NT5C2: variants seen among roughly 807,000 people sequenced by gnomAD.
NT5C2 encodes the protein 5'-nucleotidase, cytosolic II.
In NT5C2, 58 loss-of-function variants were observed where a neutral mutation model predicts 76.1. That is an observed-to-expected ratio of 0.76 (90% CI 0.62 to 0.95). The LOEUF (loss-of-function observed/expected upper bound fraction) is 0.95, where lower values mean the gene tolerates loss of function less well. NT5C2 is among the 40% of genes least tolerant of loss of function. NT5C2 has a pLI of 0.00. For synonymous variants in NT5C2, 229 were observed against 237.4 expected (o/e 0.96, Z 0.32); for missense variants, 478 against 690.3 (o/e 0.69, Z 3.45).
At chr10:103,117,511 G>A (rs2135568670) in intron 4 of NT5C2, among the ~76,000 whole-genome samples, 1 of 152,306 alleles carries the variant, frequency 6.6e-6, no homozygotes, top group Non-Finnish European at 1.5e-5. Flanking sequence ...GCCAGCCATG[G>A]TGGCATACAC....
intron 3 of NT5C2, among the ~76,000 whole-genome samples, chr10:103,149,059 G>A (rs557229147): frequency 1.6e-4 from 25 of 152,248 alleles, no homozygotes; most frequent in African/African-American, 6.0e-4. Context: ...CGTCCAGGGA[G>A]GGGGAAAATC....
rs2135078912 is a variant in NT5C2 at position 103,101,095 on chromosome 10, G to A, written c.489C>T (p.Tyr163=). The A allele has an allele frequency of 1.9e-6, 3 of 1,592,666 alleles. No homozygotes were observed. The highest frequency in any genetic ancestry group is 2.6e-6 in the Non-Finnish European group (3 of 1,160,540). ...LNTLFNLPET[Y]LLACLVDFFT... ...AAAAATCTACTAGGCAGGCCAACAG[G>A]TAGGTCTCTGAAAAATGAAGAACAG... Residue 163 remains tyrosine, a synonymous_variant, in exon 8 of 19, where the codon TAC becomes TAT. Coordinates refer to ENST00000404739, the MANE Select transcript of NT5C2 (RefSeq NM_001351169.2).
chr10:103,111,600 G>A, intron 4 of NT5C2: 1 of 475,842 alleles, frequency 2.1e-6, no homozygotes, highest in Non-Finnish European at 3.4e-6. Flanking sequence ...AAAACTTTCT[G>A]CAGAGAAGTT....
At position 103,123,132 on chromosome 10, in the gene NT5C2, T is replaced by C. The variant is rs79237111; in HGVS notation, c.175+16274A>G. Among the ~76,000 whole-genome samples the C allele has an allele frequency of 3.2e-3, 489 of 152,266 alleles. 4 individuals carry two copies. The highest frequency in any genetic ancestry group is 4.3e-3 in the Admixed American group (66 of 15,296). On this transcript the variant is annotated intron_variant, in intron 4 of 18. Coordinates refer to ENST00000404739, the MANE Select transcript of NT5C2 (RefSeq NM_001351169.2). ...TGTTGACTTAGTAGCCTTTTTTATT[T>C]TTTGACTTTTTGTTTGAGACAGGGT...
intron 4 of NT5C2, among the ~76,000 whole-genome samples, chr10:103,107,499 A>AC (rs1266099385): frequency 6.6e-6 from 1 of 151,186 alleles, no homozygotes; most frequent in East Asian, 2.0e-4. Context: ...ACATGGTGAA[A>AC]CCCCCGTCTC....
chr10:103,090,966 T>TG lies in NT5C2; in HGVS notation c.1241dup (p.Asp415ArgfsTer10), dbSNP rs762538259. On this transcript the variant is annotated frameshift_variant, in exon 17 of 19. Transcript: ENST00000404739. LOFTEE classifies it high-confidence loss of function. ...TACGTCTCTGGATGGAACTGATGTC[T>TG]GGACGCTCATTGCTACTGCTGTCAA... The TG allele has an allele frequency of 6.2e-7, 1 of 1,614,018 alleles. No individual in the cohort carries two copies. Among genetic ancestry groups the TG allele is most frequent in the Non-Finnish European group, 8.5e-7 (1 of 1,180,008 alleles).
Position 103,105,724 on chromosome 10 carries a change from C to T in NT5C2, c.371G>A (p.Gly124Glu), listed in dbSNP as rs2135254020. 1 of 1,611,846 alleles carries T rather than the reference C, an allele frequency of 6.2e-7. No individual in the cohort carries two copies. The highest frequency in any genetic ancestry group is 8.5e-7 in the Non-Finnish European group (1 of 1,178,364). The part of the protein sequence containing the change: ...AYGNLLVCAH[G>E]FNFIRGPETR... ...TACTCACCCCCTTATAAAGTTAAAT[C>T]CATGTGCACAGACCAAGAGGTTTCC... Residue 124 changes from glycine (G) to glutamate (E), a missense_variant, in exon 6 of 19, where the codon GGA becomes GAA. Coordinates refer to ENST00000404739, the MANE Select transcript of NT5C2 (RefSeq NM_001351169.2).
chr10:103,189,984 A>G (rs1004667423), intron 1 of NT5C2, among the ~76,000 whole-genome samples: 9 of 136,282 alleles, frequency 6.6e-5, no homozygotes, highest in African/African-American at 2.5e-4. Flanking sequence ...TGCCGCATTA[A>G]TTTTGTGGCT....
chr10:103,106,774 T>C, intron 4 of NT5C2, 68 bp from the exon 5 acceptor site: 1 of 955,546 alleles, frequency 1.0e-6, no homozygotes, highest in South Asian at 1.4e-5. Context: ...TGCAAATGAA[T>C]GAATTTCTGC....
At chr10:103,089,975 C>A (rs2066275037) in intron 18 of NT5C2, 67 bp from the exon 19 acceptor site, 1 of 1,318,656 alleles carries the variant, frequency 7.6e-7, no homozygotes. Flanking sequence ...CAAATCCTAA[C>A]CCCTCTCCTC....
chr10:103,120,005 G>A (rs149869444), intron 4 of NT5C2, among the ~76,000 whole-genome samples: 2 of 151,836 alleles, frequency 1.3e-5, no homozygotes, highest in Non-Finnish European at 2.9e-5. Context: ...AGGCTGAAAT[G>A]GGAGAATCAC....
At chr10:103,182,408 G>A (rs1169789798) in intron 1 of NT5C2, among the ~76,000 whole-genome samples, 7 of 151,978 alleles carry the variant, frequency 4.6e-5, no homozygotes, top group Non-Finnish European at 2.9e-5. Flanking sequence ...AAGCCGAGGC[G>A]GGTGGATCAT....
At chr10:103,192,909 G>A (rs977784856) in intron 1 of NT5C2, among the ~76,000 whole-genome samples, 6 of 152,178 alleles carry the variant, frequency 3.9e-5, no homozygotes, top group Non-Finnish European at 8.8e-5. Context: ...GCGCTGGGAG[G>A]CTGAGGCGGG....
chr10:103,190,855 C>T (rs770509470), intron 1 of NT5C2, among the ~76,000 whole-genome samples: 14 of 152,122 alleles, frequency 9.2e-5, no homozygotes, highest in African/African-American at 2.9e-4. Flanking sequence ...TGTTGACTAC[C>T]GGGGCACATT....
At position 103,177,646 on chromosome 10, in the gene NT5C2, AGAACAGCTAGAAATACAGG is replaced by A. The variant is rs551657489; in HGVS notation, c.-24-2683_-24-2665del. Among the ~76,000 whole-genome samples the A allele has an allele frequency of 4.9e-4, 75 of 152,280 alleles. No individual in the cohort carries two copies. In the South Asian group the frequency reaches 0.014, roughly 29 times the overall value. On this transcript the variant is annotated intron_variant, in intron 2 of 18. Transcript: ENST00000404739. ...AAGTGATCCTTCCACCTCAGGCTCCAGAACAGCTAGAAATACAGGTACTCACTACAAAACCCAGCTAATT... is the reference window on the plus strand; with the variant it reads ...AAGTGATCCTTCCACCTCAGGCTCCATACTCACTACAAAACCCAGCTAATT...
At chr10:103,168,173 G>T (rs1205917534) in intron 3 of NT5C2, among the ~76,000 whole-genome samples, 1 of 149,922 alleles carries the variant, frequency 6.7e-6, no homozygotes, top group Non-Finnish European at 1.5e-5. Context: ...ATTTTAAAGA[G>T]AAAAATCACT....
intron 1 of NT5C2, among the ~76,000 whole-genome samples, chr10:103,188,295 T>C (rs549163200): frequency 2.0e-5 from 3 of 151,976 alleles, no homozygotes; most frequent in East Asian, 1.9e-4. Flanking sequence ...GAGGTGGAAG[T>C]TGCAGTAAGC....
chr10:103,164,906 G>C (rs2085981218), intron 3 of NT5C2, among the ~76,000 whole-genome samples: 1 of 152,058 alleles, frequency 6.6e-6, no homozygotes, highest in Admixed American at 6.6e-5. Context: ...GTTGTTTTTG[G>C]AAGAAGTATA....
chr10:103,109,803 G>A (rs1473683846), intron 4 of NT5C2, among the ~76,000 whole-genome samples: 1 of 152,082 alleles, frequency 6.6e-6, no homozygotes, highest in Non-Finnish European at 1.5e-5. Context: ...TGGATTTGAA[G>A]CACAAATTAA....
Sources: allele counts gnomAD v4.1 joint callset (sites outside exome capture counted in the v4.1 genomes callset), GRCh38; gene constraint gnomAD v4.1.1; transcripts MANE v1.5; gene names NCBI Gene and HGNC (gene_info 2026-07-23, HGNC 2026-07-21).